The following METTL14 variants were observed in gnomAD, a reference collection of about 807,000 sequenced individuals.
METTL14 encodes the protein N(6)-adenosine-methyltransferase non-catalytic subunit METTL14.
A neutral mutation model predicts 62.4 loss-of-function variants in METTL14; 32 were observed. That is an observed-to-expected ratio of 0.51 (90% CI 0.39 to 0.69). The LOEUF (loss-of-function observed/expected upper bound fraction) is 0.69, where lower values mean the gene tolerates loss of function less well. Among genes scored for constraint, METTL14 ranks in the 30% least tolerant of loss-of-function variants. The probability of loss-of-function intolerance (pLI) is 0.00; values close to 1 mark genes in which losing one functional copy is unlikely to be tolerated. For missense variants in METTL14, 340 were observed against 551.9 expected (o/e 0.62, Z 3.85); for synonymous variants, 150 against 180.0 (o/e 0.83, Z 1.34).
At chr4:118,698,308 C>G (rs887040629) in intron 7 of METTL14, among the ~76,000 whole-genome samples, 1 of 151,700 alleles carries the variant, frequency 6.6e-6, no homozygotes, top group Non-Finnish European at 1.5e-5. Context: ...CAAAAATTAG[C>G]CGGGTGTGGT....
chr4:118,694,557 C>G, intron 6 of METTL14, 31 bp downstream of exon 6: 3 of 1,505,124 alleles, frequency 2.0e-6, no homozygotes, highest in Non-Finnish European at 2.8e-6. Flanking sequence ...ACTGTTTATT[C>G]CCAACTCAGG....
At chr4:118,686,448 C>T (rs1724063016) in intron 1 of METTL14, 1 of 385,304 alleles carries the variant, frequency 2.6e-6, no homozygotes, top group South Asian at 2.0e-5. Flanking sequence ...GAGCAATGCT[C>T]ATAGAGTGTA....
rs562578540 is a variant in METTL14, at chr4:118,700,661, A to G, written c.738+19A>G. ...AAGAGTGGTAAGATGGTGCTTTTAT[A>G]AAGTGGATTTTTAAATTAATAAGAA... On this transcript the variant is annotated intron_variant, in intron 8 of 10. Transcript: ENST00000388822. The G allele has an allele frequency of 1.3e-6, 2 of 1,551,522 alleles. No individual in the cohort carries two copies. The highest frequency in any genetic ancestry group is 1.2e-5 in the South Asian group (1 of 83,102).
chr4:118,705,866 G>GGCTTCTTT, intron 10 of METTL14, 45 bp downstream of exon 10: 1 of 1,436,730 alleles, frequency 7.0e-7, no homozygotes. Context: ...TTTGGGTTAT[G>GGCTTCTTT]CATGTCAAGA....
chr4:118,699,822 C>T (rs886780885), intron 7 of METTL14, among the ~76,000 whole-genome samples: 36 of 152,096 alleles, frequency 2.4e-4, no homozygotes, highest in African/African-American at 8.2e-4. Flanking sequence ...GGCCCCAGAG[C>T]CCTAAGTTCT....
At chr4:118,685,655 G>C (rs1328864010) in intron 1 of METTL14, 55 bp downstream of exon 1, 1 of 1,489,000 alleles carries the variant, frequency 6.7e-7, no homozygotes, top group Non-Finnish European at 9.3e-7. Context: ...GTGCGCGGCC[G>C]CCTCCTCCCT....
rs751351167 is a variant in METTL14 at position 118,685,596 on chromosome 4, A to G, written c.62A>G (p.Gln21Arg). ...RQKLRRQLLA[Q>R]QLGAESADSI... ...AAGTTACGGCGACAGCTCCTCGCGCAGCAGGTCCGCGGCCCTGGTGTCCCC... is the reference window on the plus strand; with the variant it reads ...AAGTTACGGCGACAGCTCCTCGCGCGGCAGGTCCGCGGCCCTGGTGTCCCC... The change falls in exon 1 of 11, where the codon CAG (glutamine) becomes CGG (arginine). Residue 21 changes from glutamine to arginine, a missense_variant. Around this residue, in one of 7 missense-constraint regions of METTL14, gnomAD observed 111 missense variants for 116.6 expected, o/e 0.95. Coordinates refer to ENST00000388822, the MANE Select transcript of METTL14 (RefSeq NM_020961.4). 9 of 1,613,892 alleles carry G rather than the reference A, an allele frequency of 5.6e-6. No homozygotes were observed. The Admixed American group carries it at 1.5e-4, about 27-fold the overall frequency.
intron 2 of METTL14, among the ~76,000 whole-genome samples, chr4:118,688,404 T>G (rs1724142172): frequency 6.7e-6 from 1 of 148,258 alleles, no homozygotes; most frequent in South Asian, 2.1e-4. Flanking sequence ...ATTGTGCCAC[T>G]GCACTGCAGC....
Position 118,705,591 on chromosome 4 carries a change from G to C in METTL14, c.856-20G>C. 6.3e-7 allele frequency: 1 copy of C among 1,592,038 alleles called. No individual in the cohort carries two copies. The highest frequency in any genetic ancestry group is 8.6e-7 in the Non-Finnish European group (1 of 1,160,382). Reference sequence around the variant, plus strand: ...GACTGTTGATGAAAACAGATTAATTGGTCTGCTCTTGTTATTTAGGAACAC... The same window carrying C: ...GACTGTTGATGAAAACAGATTAATTCGTCTGCTCTTGTTATTTAGGAACAC... On this transcript the variant is annotated intron_variant, in intron 9 of 10. Transcript: ENST00000388822.
At position 118,710,136 on chromosome 4, in the gene METTL14, C is replaced by G; in HGVS notation, c.1205C>G (p.Pro402Arg). ...IERLRPKSPP[P>R]KSKSDRGGGA... ...AGACTTCGACCAAAATCGCCTCCTC[C>G]CAAATCTAAATCTGACCGAGGAGGT... The change falls in exon 11 of 11, where the codon CCC becomes CGC. Residue 402 changes from proline (P) to arginine (R), a missense_variant. Pro to Arg is a moderately radical substitution (Grantham distance 103). This residue lies in a region of METTL14 where 8 missense variants were observed against 34.9 expected (regional missense o/e 0.23). Coordinates refer to ENST00000388822, the MANE Select transcript of METTL14 (RefSeq NM_020961.4). The G allele has an allele frequency of 6.2e-7, 1 of 1,614,154 alleles. No individual in the cohort carries two copies. The highest frequency in any genetic ancestry group is 8.5e-7 in the Non-Finnish European group (1 of 1,180,038).
rs770200154 is a variant in METTL14, at chr4:118,685,429, C to A, written c.-106C>A. On this transcript the variant is annotated 5_prime_UTR_variant, in exon 1 of 11. It introduces an in-frame stop codon into an upstream open reading frame of the 5' UTR. Coordinates refer to ENST00000388822, the MANE Select transcript of METTL14 (RefSeq NM_020961.4). ...AGGAAAGCTATGAGGATACTCTGTT[C>A]GTAAGCTCCCGGTGAATTTTGTTCC... 6 of 1,144,444 alleles carry A rather than the reference C, an allele frequency of 5.2e-6. No homozygotes were observed. The highest frequency in any genetic ancestry group is 4.6e-5 in the African/African-American group (3 of 65,854). 70.9% of individuals were successfully genotyped at this position (1,144,444 alleles called of 1,614,324 possible).
At chr4:118,696,558 A>G (rs1338649435) in intron 6 of METTL14, among the ~76,000 whole-genome samples, 1 of 152,186 alleles carries the variant, frequency 6.6e-6, no homozygotes, top group African/African-American at 2.4e-5. Flanking sequence ...ACAAACAAAC[A>G]AACAAACGAA....
Position 118,710,381 on chromosome 4 carries a change from T to C in METTL14, c.*79T>C. 1.5e-6 allele frequency: 2 copies of C among 1,357,652 alleles called. No individual in the cohort carries two copies. Among genetic ancestry groups the C allele is most frequent in the East Asian group, 2.4e-5 (1 of 41,716 alleles). The allele number at this position is 1,357,652 out of a possible 1,614,324, so 84.1% of individuals were successfully genotyped here. ...AAATTTCAAGTGGGAGACTTAACTT[T>C]AGAACTCACTTCCAGCTTGCACTTT... is the stretch of plus-strand genomic sequence containing the variant. On this transcript the variant is annotated 3_prime_UTR_variant, in exon 11 of 11. Transcript: ENST00000388822.
rs1423122489 is a variant in METTL14, at chr4:118,711,990, TAGAAAG to T, written c.*1691_*1696del. ...TGAGATCAGTGTCACAATTTCATCT[TAGAAAG>T]AGGTAGGTATGGCTGCTTTGTCGGT... is the stretch of plus-strand genomic sequence containing the variant. On this transcript the variant is annotated 3_prime_UTR_variant, in exon 11 of 11. Transcript: ENST00000388822. 6.6e-6 allele frequency: 1 copy of T among 152,178 alleles called. No individual in the cohort carries two copies. Among genetic ancestry groups the T allele is most frequent in the Non-Finnish European group, 1.5e-5 (1 of 68,044 alleles). 9.4% of individuals were successfully genotyped at this position (152,178 alleles called of 1,614,324 possible). A position where few individuals can be genotyped will look rare whatever the true frequency, so the allele number is the denominator to read the frequency against.
intron 10 of METTL14, among the ~76,000 whole-genome samples, chr4:118,706,042 C>G (rs570850790): frequency 6.6e-6 from 1 of 152,332 alleles, no homozygotes; most frequent in African/African-American, 2.4e-5. Flanking sequence ...TTCCAGTTAT[C>G]AGTATCTCCC....
intron 3 of METTL14, among the ~76,000 whole-genome samples, chr4:118,691,002 A>G (rs1439593177): frequency 6.6e-6 from 1 of 152,198 alleles, no homozygotes; most frequent in Non-Finnish European, 1.5e-5. Context: ...AAGAATGTAT[A>G]GTTTCAATAA....
rs747921542 is a variant in METTL14 at position 118,691,641 on chromosome 4, A to C, written c.324+29A>C. On this transcript the variant is annotated intron_variant, in intron 4 of 10. Transcript: ENST00000388822. ...AAATAAATAATTTTCAAATTTTGTA[A>C]CTCTTCATATTTAAGTTCTATACCT... 4.3e-6 allele frequency: 5 copies of C among 1,155,242 alleles called. No homozygotes were observed. In the Middle Eastern group the frequency reaches 6.0e-4, roughly 138 times the overall value. 71.6% of individuals were successfully genotyped at this position (1,155,242 alleles called of 1,614,324 possible). A position where few individuals can be genotyped will look rare whatever the true frequency, so the allele number is the denominator to read the frequency against.
Position 118,710,020 on chromosome 4 carries a change from G to A in METTL14, c.1089G>A (p.Thr363=), listed in dbSNP as rs201977372. The change falls in exon 11 of 11, where the codon ACG becomes ACA. Residue 363 remains threonine (T), a synonymous_variant. Transcript: ENST00000388822. ...IRPGWLTVGP[T]LTNSNYNAET... is the part of the protein sequence containing the mutation. ...CAGGCTGGCTCACAGTTGGACCAAC[G>A]CTTACAAATAGCAACTACAATGCAG... is the stretch of plus-strand genomic sequence containing the variant. 1.6e-4 allele frequency: 251 copies of A among 1,611,156 alleles called. 3 individuals carry two copies. Among genetic ancestry groups the A allele is most frequent in the South Asian group, 1.4e-3 (131 of 90,592 alleles).
chr4:118,692,693 T>A (rs1724287559), intron 5 of METTL14, among the ~76,000 whole-genome samples: 1 of 142,960 alleles, frequency 7.0e-6, no homozygotes, highest in Admixed American at 6.9e-5. Flanking sequence ...TTACATACTG[T>A]ACAATTCACT....
Sources: allele counts gnomAD v4.1 joint callset (sites outside exome capture counted in the v4.1 genomes callset), GRCh38; gene constraint gnomAD v4.1.1; regional missense constraint gnomAD v4.1.1; transcripts MANE v1.5; gene names NCBI Gene and HGNC (gene_info 2026-07-23, HGNC 2026-07-21).